MDGA1: variants seen among roughly 807,000 people sequenced by gnomAD.
MDGA1 encodes the protein MAM domain-containing glycosylphosphatidylinositol anchor protein 1.
A neutral mutation model predicts 101.5 loss-of-function variants in MDGA1; 54 were observed. The ratio of observed to expected loss-of-function variants is 0.53; its 90% CI spans 0.43 to 0.67. The LOEUF (loss-of-function observed/expected upper bound fraction) is 0.67. MDGA1 is among the 30% of genes least tolerant of loss of function. The pLI, the probability that MDGA1 is intolerant of heterozygous loss-of-function variation, is 0.00. For synonymous variants in MDGA1, 533 were observed against 558.3 expected (o/e 0.95, Z 0.64); for missense variants, 1,083 against 1,323.8 (o/e 0.82, Z 2.82).
At chr6:37,643,996 C>T in intron 13 of MDGA1, 53 bp from the exon 14 acceptor site, 1 of 1,601,840 alleles carries the variant, frequency 6.2e-7, no homozygotes, top group Non-Finnish European at 8.5e-7. Flanking sequence ...CAGGCCTCTT[C>T]CTACCTGATT....
At chr6:37,642,481 G>T (rs577788957) in intron 14 of MDGA1, among the ~76,000 whole-genome samples, 1 of 151,972 alleles carries the variant, frequency 6.6e-6, no homozygotes, top group Non-Finnish European at 1.5e-5. Flanking sequence ...CATATGTACT[G>T]GTTTCTATTG....
intron 9 of MDGA1, among the ~76,000 whole-genome samples, chr6:37,647,721 G>A (rs922249726): frequency 4.0e-5 from 6 of 151,614 alleles, no homozygotes; most frequent in Non-Finnish European, 7.4e-5. Context: ...GAAGGGAGAG[G>A]AGGGGAATAG....
chr6:37,687,594 A>C (rs913116778), intron 1 of MDGA1, among the ~76,000 whole-genome samples: 1 of 152,020 alleles, frequency 6.6e-6, no homozygotes, highest in Non-Finnish European at 1.5e-5. Flanking sequence ...CTGGTTTTAC[A>C]TTGAATTGCT....
At chr6:37,675,499 A>T (rs895089926) in intron 1 of MDGA1, among the ~76,000 whole-genome samples, 2 of 152,222 alleles carry the variant, frequency 1.3e-5, no homozygotes, top group South Asian at 4.1e-4. Context: ...CAAGAAAAAA[A>T]TGTGAAACCG....
intron 2 of MDGA1, among the ~76,000 whole-genome samples, chr6:37,660,706 GCT>G (rs1761603157): frequency 6.6e-6 from 1 of 151,792 alleles, no homozygotes; most frequent in African/African-American, 2.4e-5. Flanking sequence ...CTTTCAAATT[GCT>G]CTGTTTTCTC....
At chr6:37,686,228 G>A (rs1050858491) in intron 1 of MDGA1, among the ~76,000 whole-genome samples, 2 of 152,126 alleles carry the variant, frequency 1.3e-5, no homozygotes, top group Non-Finnish European at 2.9e-5. Flanking sequence ...CCTTTTAAAG[G>A]TTCCTGCTGT....
chr6:37,651,876 A>AAAGCACGTGGCATGAACAAGTGGTGGCC (rs1266674092), intron 7 of MDGA1, 135 bp downstream of exon 7: 1 of 727,940 alleles, frequency 1.4e-6, no homozygotes, highest in Non-Finnish European at 2.2e-6. Flanking sequence ...GGACTCAATA[A>AAAGCACGTGGCATGAACAAGTGGTGGCC]AAGCACGTGG....
chr6:37,691,601 CAT>C (rs1229748346), intron 1 of MDGA1, among the ~76,000 whole-genome samples: 3 of 152,204 alleles, frequency 2.0e-5, no homozygotes, highest in South Asian at 2.1e-4. Flanking sequence ...GCAAAGAGCA[CAT>C]GTTACTCATA....
rs368627991 is a variant in MDGA1 at position 37,652,038 on chromosome 6, C to T, written c.1285G>A (p.Val429Ile). ...FPGAPVPDLSVEVNISSETVP... is the reference protein window; with the variant it reads ...FPGAPVPDLSIEVNISSETVP... ...GTCTCAGAGGAGATGTTGACCTCGA[C>T]GCTGAGGTCGGGCACGGGTGCCCCT... Residue 429 changes from valine to isoleucine, a missense_variant, in exon 7 of 17, where the codon GTC becomes ATC. Transcript: ENST00000434837. The surrounding 1 kb of genome is among the most constrained non-coding windows in gnomAD (Gnocchi z 4.3). 4.7e-5 allele frequency: 76 copies of T among 1,605,236 alleles called. No homozygotes were observed. The African/African-American group carries it at 7.2e-4, about 15-fold the overall frequency.
At position 37,637,258 on chromosome 6, in the gene MDGA1, G is replaced by A. The variant is rs530434086; in HGVS notation, c.*110C>T. 193 of 798,232 alleles carry A rather than the reference G, an allele frequency of 2.4e-4. 1 individual carries two copies. In the African/African-American group the frequency reaches 2.8e-3, roughly 12 times the overall value. 49.4% of individuals were successfully genotyped at this position (798,232 alleles called of 1,614,324 possible). A position where few individuals can be genotyped will look rare whatever the true frequency, so the allele number is the denominator to read the frequency against. ...AGCCAATGCAGGCCCCCTCCCTGGC[G>A]GGCCGGCCCTGCCCCTGGGCACCCC... On this transcript the variant is annotated 3_prime_UTR_variant, in exon 17 of 17. Coordinates refer to ENST00000434837, the MANE Select transcript of MDGA1 (RefSeq NM_153487.4).
At chr6:37,658,511 C>A in intron 2 of MDGA1, 92 bp from the exon 3 acceptor site, 1 of 1,340,728 alleles carries the variant, frequency 7.5e-7, no homozygotes, top group Non-Finnish European at 1.0e-6. Flanking sequence ...CCCCCTTTCT[C>A]CCATACTTTT....
chr6:37,643,980 G>A, intron 13 of MDGA1, 37 bp from the exon 14 acceptor site: 1 of 1,610,112 alleles, frequency 6.2e-7, no homozygotes, highest in Non-Finnish European at 8.5e-7. Context: ...CAGCCCCCAA[G>A]ACAGCCAGGC....
chr6:37,678,883 G>C (rs1268021824), intron 1 of MDGA1, among the ~76,000 whole-genome samples: 1 of 150,660 alleles, frequency 6.6e-6, no homozygotes, highest in African/African-American at 2.4e-5. Flanking sequence ...ATATTAAATA[G>C]TCACTTGTTT....
At position 37,634,021 on chromosome 6, in the gene MDGA1, G is replaced by A. The variant is rs559164934; in HGVS notation, c.*3347C>T. ...GAAAAGGAGAATGAATGAGAAAGAG[G>A]TGTCAGGCCCATCTCTGAGAGGTAG... On this transcript the variant is annotated 3_prime_UTR_variant, in exon 17 of 17. Transcript: ENST00000434837. This position sits in a 1 kb window ranked among gnomAD's most constrained non-coding sequence, Gnocchi z 4.7. The A allele has an allele frequency of 1.3e-5, 2 of 152,816 alleles. No individual in the cohort carries two copies. The highest frequency in any genetic ancestry group is 4.8e-5 in the African/African-American group (2 of 41,576). The allele number at this position is 152,816 out of a possible 1,614,324, so 9.5% of individuals were successfully genotyped here. A position where few individuals can be genotyped will look rare whatever the true frequency, so the allele number is the denominator to read the frequency against.
chr6:37,676,190 A>C (rs1761974025), intron 1 of MDGA1, among the ~76,000 whole-genome samples: 2 of 152,234 alleles, frequency 1.3e-5, no homozygotes, highest in South Asian at 4.1e-4. Context: ...GATAGGCCCC[A>C]GTCTCTAGGA....
chr6:37,637,446 C>T lies in MDGA1; in HGVS notation c.2790G>A (p.Pro930=), dbSNP rs763271657. 7 of 1,612,880 alleles carry T rather than the reference C, an allele frequency of 4.3e-6. No homozygotes were observed. The highest frequency in any genetic ancestry group is 4.0e-5 in the African/African-American group (3 of 74,904). The stretch of plus-strand genomic sequence containing the variant: ...TGGACTGGCAGGGGGCTCCACTGCC[C>T]GGCATCACCACCACTGCAACAGGGG... ...QTDPNKVVVM[P]GSGAPCQSSP... Residue 930 remains proline, a synonymous_variant, in exon 17 of 17, where the codon CCG becomes CCA. Transcript: ENST00000434837.
chr6:37,692,315 G>A (rs1177851171), intron 1 of MDGA1, among the ~76,000 whole-genome samples: 2 of 152,128 alleles, frequency 1.3e-5, no homozygotes, highest in African/African-American at 2.4e-5. Context: ...GTGAGGCAGG[G>A]CTCTTCCAGG....
chr6:37,696,763 G>T lies in MDGA1; in HGVS notation c.49C>A (p.Arg17=). 3 of 1,583,746 alleles carry T rather than the reference G, an allele frequency of 1.9e-6. No individual in the cohort carries two copies. The highest frequency in any genetic ancestry group is 2.6e-6 in the Non-Finnish European group (3 of 1,164,264). ...LLLALIPFHC[R]GQGVYAPAQA... ...CTCTTACCGTAGACTCCTTGTCCCC[G>T]GCAGTGGAAGGGGATCAGCGCCAGA... is the stretch of plus-strand genomic sequence containing the variant. Residue 17 remains arginine (R), a synonymous_variant, in exon 1 of 17, where the codon CGG becomes AGG. Transcript: ENST00000434837. The surrounding 1 kb of genome is among the most constrained non-coding windows in gnomAD (Gnocchi z 5.6).
In MDGA1 at chr6:37,633,700, G is replaced by A. The variant is rs1170171412; in HGVS notation, c.*3668C>T. ...AGGCCAGAATTTGGAGCCGAGGGCA[G>A]GATCCCAGCAACATCTATAACATCC... On this transcript the variant is annotated 3_prime_UTR_variant, in exon 17 of 17. Coordinates refer to ENST00000434837, the MANE Select transcript of MDGA1 (RefSeq NM_153487.4). The A allele has an allele frequency of 1.3e-5, 2 of 152,460 alleles. No individual in the cohort carries two copies. Among genetic ancestry groups the A allele is most frequent in the Non-Finnish European group, 2.9e-5 (2 of 68,246 alleles). 9.4% of individuals were successfully genotyped at this position (152,460 alleles called of 1,614,324 possible).
Sources: gnomAD v4.1 joint callset for allele counts (sites outside exome capture counted in the v4.1 genomes callset) on GRCh38, gnomAD v4.1.1 for gene constraint, Gnocchi (gnomAD v3.1) non-coding constraint, MANE v1.5 for transcripts, NCBI Gene and HGNC (gene_info 2026-07-23, HGNC 2026-07-21) for gene names.